ARMH4: variants seen among roughly 807,000 people sequenced by gnomAD.
The protein encoded by ARMH4 is armadillo like helical domain containing 4, also known as armadillo-like helical domain-containing protein 4.
ARMH4 carries 49 observed loss-of-function variants against 61.9 expected under a neutral mutation model. That is an observed-to-expected ratio of 0.79 (90% CI 0.63 to 1.00). The LOEUF (loss-of-function observed/expected upper bound fraction) is 1.00. Among genes scored for constraint, ARMH4 ranks in the 50% least tolerant of loss-of-function variants. The pLI, the probability that ARMH4 is intolerant of heterozygous loss-of-function variation, is 0.00. For missense variants in ARMH4, 934 were observed against 930.0 expected, an observed-to-expected ratio of 1.00 and a Z score of -0.06; for synonymous variants, 368 against 341.5, an observed-to-expected ratio of 1.08 and a Z score of -0.85.
chr14:58,136,050 T>G (rs1887292041), intron 2 of ARMH4, among the ~76,000 whole-genome samples: 1 of 152,200 alleles, frequency 6.6e-6, no homozygotes, highest in Admixed American at 6.5e-5. Flanking sequence ...GCAATCACAT[T>G]GGATAACTCC....
In ARMH4 at chr14:58,002,396, G is replaced by T. The variant is rs887285375; in HGVS notation, c.*2340C>A. 6.6e-6 allele frequency: 1 copy of T among 152,032 alleles called. No homozygotes were observed. Among genetic ancestry groups the T allele is most frequent in the African/African-American group, 2.4e-5 (1 of 41,374 alleles). The allele number at this position is 152,032 out of a possible 1,614,324, so 9.4% of individuals were successfully genotyped here. A position where few individuals can be genotyped will look rare whatever the true frequency, so the allele number is the denominator to read the frequency against. On this transcript the variant is annotated 3_prime_UTR_variant, in exon 8 of 8. Coordinates refer to ENST00000267485, the MANE Select transcript of ARMH4 (RefSeq NM_001001872.4). ...TTAAGAAATCATGTGTCCCAAAAAGGACCACAGAGATACTGTGTTAAGCCA... is the reference window on the plus strand; with the variant it reads ...TTAAGAAATCATGTGTCCCAAAAAGTACCACAGAGATACTGTGTTAAGCCA...
chr14:58,093,735 C>A (rs867553532), intron 5 of ARMH4, among the ~76,000 whole-genome samples: 1 of 151,956 alleles, frequency 6.6e-6, no homozygotes, highest in Non-Finnish European at 1.5e-5. Flanking sequence ...CCTGTCCTTC[C>A]GAGAAAAGGT....
intron 5 of ARMH4, among the ~76,000 whole-genome samples, chr14:58,055,619 G>T (rs1402386875): frequency 2.0e-5 from 3 of 152,186 alleles, no homozygotes; most frequent in African/African-American, 2.4e-5. Context: ...CAGACCAGCA[G>T]CATCAGGGAA....
intron 4 of ARMH4, among the ~76,000 whole-genome samples, chr14:58,100,716 T>A (rs879473208): frequency 2.0e-5 from 3 of 152,238 alleles, no homozygotes; most frequent in Middle Eastern, 3.4e-3. Flanking sequence ...TGGGGGTGGA[T>A]CCGAAAGGAG....
At chr14:58,027,627 C>T (rs1274393812) in intron 5 of ARMH4, among the ~76,000 whole-genome samples, 1 of 147,454 alleles carries the variant, frequency 6.8e-6, no homozygotes, top group Non-Finnish European at 1.5e-5. Flanking sequence ...TTAACATCTA[C>T]ACAGTTACCT....
intron 5 of ARMH4, among the ~76,000 whole-genome samples, chr14:58,076,459 T>C (rs990053001): frequency 6.6e-6 from 1 of 152,164 alleles, no homozygotes; most frequent in Non-Finnish European, 1.5e-5. Flanking sequence ...GAACTCTAAT[T>C]TGTAACCCTG....
chr14:58,114,414 C>A (rs1886455022), intron 4 of ARMH4, among the ~76,000 whole-genome samples: 1 of 152,122 alleles, frequency 6.6e-6, no homozygotes, highest in Non-Finnish European at 1.5e-5. Flanking sequence ...TTGGAATACA[C>A]CAAGCCAGAA....
chr14:58,022,085 T>C (rs888597552), intron 5 of ARMH4, among the ~76,000 whole-genome samples: 1 of 152,168 alleles, frequency 6.6e-6, no homozygotes, highest in Non-Finnish European at 1.5e-5. Flanking sequence ...AAAGTCAAGG[T>C]GTCAACAGGG....
chr14:58,139,524 G>A lies in ARMH4; in HGVS notation c.-56-110C>T, dbSNP rs1307102060. The stretch of plus-strand genomic sequence containing the variant: ...TCTCCTTGACTTTATAATACACAGA[G>A]ATGGTAGGTAGGAGAGGACTGTTCT... On this transcript the variant is annotated intron_variant, in intron 1 of 7. Transcript: ENST00000267485. 5 of 659,326 alleles carry A rather than the reference G, an allele frequency of 7.6e-6. No individual in the cohort carries two copies. In the East Asian group the frequency reaches 8.2e-5, roughly 11 times the overall value. 40.8% of individuals were successfully genotyped at this position (659,326 alleles called of 1,614,324 possible).
chr14:58,085,257 ACAT>A (rs1885343436), intron 5 of ARMH4, among the ~76,000 whole-genome samples: 1 of 152,084 alleles, frequency 6.6e-6, no homozygotes, highest in African/African-American at 2.4e-5. Context: ...AAACTCTTTA[ACAT>A]CATCTTTGTT....
intron 5 of ARMH4, among the ~76,000 whole-genome samples, chr14:58,045,747 T>C (rs1198917080): frequency 6.6e-6 from 1 of 151,974 alleles, no homozygotes; most frequent in Non-Finnish European, 1.5e-5. Context: ...TAAATTAAAA[T>C]GAGGTCATAC....
chr14:58,106,854 G>C (rs1740010115), intron 4 of ARMH4, among the ~76,000 whole-genome samples: 1 of 150,752 alleles, frequency 6.6e-6, no homozygotes, highest in African/African-American at 2.4e-5. Flanking sequence ...AGGCTTAAAT[G>C]AGCTTGTGCA....
At chr14:58,010,712 T>C (rs1031587350) in intron 6 of ARMH4, among the ~76,000 whole-genome samples, 27 of 152,194 alleles carry the variant, frequency 1.8e-4, no homozygotes, top group Middle Eastern at 3.4e-3. Flanking sequence ...TAAAAAAATA[T>C]AGCCTTTCTC....
chr14:58,139,050 G>A lies in ARMH4; in HGVS notation c.309C>T (p.Leu103=), dbSNP rs761599675. Residue 103 remains leucine (L), a synonymous_variant, in exon 2 of 8, where the codon CTC becomes CTT. Transcript: ENST00000267485. ...NKETQPGQAG[L]MQTERPGVST... The stretch of plus-strand genomic sequence containing the variant: ...AAACACCAGGGCGTTCTGTTTGCAT[G>A]AGCCCAGCTTGTCCAGGCTGGGTTT... The A allele has an allele frequency of 9.9e-6, 16 of 1,614,100 alleles. No individual in the cohort carries two copies. Among genetic ancestry groups the A allele is most frequent in the East Asian group, 4.5e-5 (2 of 44,894 alleles).
intron 1 of ARMH4, among the ~76,000 whole-genome samples, chr14:58,145,386 T>G (rs189721231): frequency 6.6e-6 from 1 of 152,338 alleles, no homozygotes; most frequent in African/African-American, 2.4e-5. Flanking sequence ...TACAAATATT[T>G]CTATATTCCT....
intron 3 of ARMH4, among the ~76,000 whole-genome samples, chr14:58,132,515 G>T (rs540803681): frequency 4.0e-5 from 6 of 150,048 alleles, no homozygotes; most frequent in Non-Finnish European, 7.4e-5. Context: ...TTCTCAGGGG[G>T]TCTGGCCTTT....
rs1304209121 is a variant in ARMH4 at position 58,004,614 on chromosome 14, A to G, written c.*122T>C. The G allele has an allele frequency of 5.1e-6, 4 of 787,738 alleles. No individual in the cohort carries two copies. Among genetic ancestry groups the G allele is most frequent in the Non-Finnish European group, 8.5e-6 (4 of 468,856 alleles). The allele number at this position is 787,738 out of a possible 1,614,324, so 48.8% of individuals were successfully genotyped here. A position where few individuals can be genotyped will look rare whatever the true frequency, so the allele number is the denominator to read the frequency against. On this transcript the variant is annotated 3_prime_UTR_variant, in exon 8 of 8. Coordinates refer to ENST00000267485, the MANE Select transcript of ARMH4 (RefSeq NM_001001872.4). ...AAAAATCTACTACCCAGCACCCAGC[A>G]GACACTAGGACTAACGGCCTGATAG...
In ARMH4 at chr14:58,101,285, T is replaced by A. The variant is rs991795761; in HGVS notation, c.1832-4304A>T. ...AGAGAATTCTGTCACAAATTGGGCA[T>A]GGAAGTGCCTAGAGACATCAAAGGG... is the stretch of plus-strand genomic sequence containing the variant. On this transcript the variant is annotated intron_variant, in intron 4 of 7. Transcript: ENST00000267485. 1.5e-4 allele frequency: 23 copies of A among 152,606 alleles called. 1 individual carries two copies. The highest frequency in any genetic ancestry group is 1.3e-3 in the Admixed American group (20 of 15,282). 9.5% of individuals were successfully genotyped at this position (152,606 alleles called of 1,614,324 possible). A position where few individuals can be genotyped will look rare whatever the true frequency, so the allele number is the denominator to read the frequency against.
chr14:58,139,353 T>A lies in ARMH4; in HGVS notation c.6A>T (p.Arg2Ser). 1.2e-6 allele frequency: 2 copies of A among 1,613,794 alleles called. No homozygotes were observed. The highest frequency in any genetic ancestry group is 1.6e-4 in the Middle Eastern group (1 of 6,062). Residue 2 changes from arginine (R) to serine (S), a missense_variant, in exon 2 of 8, where the codon AGA (arginine) becomes AGT (serine). Coordinates refer to ENST00000267485, the MANE Select transcript of ARMH4 (RefSeq NM_001001872.4). Reference sequence around the variant, plus strand: ...GACAAATGTGCAATACAATCGGTCCTCTCATAGTGGAAGAGAAATGGCACG... The same window carrying A: ...GACAAATGTGCAATACAATCGGTCCACTCATAGTGGAAGAGAAATGGCACG... M[R>S]GPIVLHICLA...
Sources: allele counts gnomAD v4.1 joint callset (sites outside exome capture counted in the v4.1 genomes callset), GRCh38; gene constraint gnomAD v4.1.1; transcripts MANE v1.5; gene names NCBI Gene and HGNC (gene_info 2026-07-23, HGNC 2026-07-21).